The following LGSN variants were observed in gnomAD, a reference collection of about 807,000 sequenced individuals.
LGSN encodes lengsin, lens protein with glutamine synthetase domain.
In LGSN, 21 loss-of-function variants were observed where a neutral mutation model predicts 19.5. The ratio of observed to expected loss-of-function variants is 1.07; its 90% CI spans 0.76 to 1.55. The LOEUF (loss-of-function observed/expected upper bound fraction) is 1.55, where lower values mean the gene tolerates loss of function less well. Ranked by LOEUF, LGSN falls within the 40% of genes most tolerant of loss-of-function variation. LGSN has a pLI of 0.00. For synonymous variants in LGSN, 257 were observed against 215.6 expected (o/e 1.19, Z -1.68); for missense variants, 673 against 608.5 (o/e 1.11, Z -1.12).
the LGSN span, among the ~76,000 whole-genome samples, chr6:63,454,390 C>A: frequency 6.6e-6 from 1 of 151,854 alleles, no homozygotes; most frequent in African/African-American, 2.4e-5. Context: ...TGACTAATTT[C>A]AGCTTAAGTA....
intron 1 of LGSN, among the ~76,000 whole-genome samples, chr6:63,307,225 A>C (rs957389972): frequency 6.6e-6 from 1 of 152,250 alleles, no homozygotes; most frequent in African/African-American, 2.4e-5. Context: ...TGTGATAAAT[A>C]CATTACCATC....
chr6:63,336,572 T>TAC, the LGSN span, among the ~76,000 whole-genome samples: 1 of 149,626 alleles, frequency 6.7e-6, no homozygotes, highest in Non-Finnish European at 1.5e-5. Context: ...TATATATATA[T>TAC]ATATGTATAA....
At chr6:63,361,678 G>A in the LGSN span, among the ~76,000 whole-genome samples, 4 of 152,048 alleles carry the variant, frequency 2.6e-5, no homozygotes, top group African/African-American at 4.8e-5. Flanking sequence ...CCAACTTTCC[G>A]ACAATCCCCA....
the LGSN span, among the ~76,000 whole-genome samples, chr6:63,500,900 A>G: frequency 0.54 from 81,167 of 150,972 alleles, 23,540 homozygotes; most frequent in African/African-American, 0.77. Flanking sequence ...GCTAATTTTT[A>G]TATTTTTAGT....
the LGSN span, among the ~76,000 whole-genome samples, chr6:63,345,699 C>G: frequency 6.6e-6 from 1 of 152,144 alleles, no homozygotes; most frequent in Non-Finnish European, 1.5e-5. Context: ...GCTTACATCC[C>G]ACTGGTCTAG....
the LGSN span, among the ~76,000 whole-genome samples, chr6:63,346,969 C>T: frequency 2.0e-5 from 3 of 152,120 alleles, no homozygotes; most frequent in African/African-American, 7.2e-5. Flanking sequence ...ATGAAAGTTC[C>T]AGTCTTCAAA....
At chr6:63,290,252 G>A (rs1377418244) in intron 2 of LGSN, among the ~76,000 whole-genome samples, 1 of 152,192 alleles carries the variant, frequency 6.6e-6, no homozygotes, top group Non-Finnish European at 1.5e-5. Flanking sequence ...GGGAGCTTCT[G>A]AGCTAAAGAA....
At chr6:63,327,565 A>G in the LGSN span, among the ~76,000 whole-genome samples, 2 of 152,178 alleles carry the variant, frequency 1.3e-5, no homozygotes, top group South Asian at 4.1e-4. Flanking sequence ...CGCTGCTGCC[A>G]AAGAGTCTAT....
the LGSN span, among the ~76,000 whole-genome samples, chr6:63,457,281 G>A: frequency 6.6e-6 from 1 of 152,066 alleles, no homozygotes; most frequent in Non-Finnish European, 1.5e-5. Flanking sequence ...GAGGCGGGTG[G>A]ATCACTTGAG....
At chr6:63,352,936 A>G in the LGSN span, among the ~76,000 whole-genome samples, 1 of 152,028 alleles carries the variant, frequency 6.6e-6, no homozygotes, top group Non-Finnish European at 1.5e-5. Flanking sequence ...TGGTCAAGAA[A>G]AGGGGAAGCT....
At chr6:63,346,430 G>A in the LGSN span, among the ~76,000 whole-genome samples, 3 of 151,828 alleles carry the variant, frequency 2.0e-5, no homozygotes, top group African/African-American at 7.3e-5. Flanking sequence ...GGAACACATG[G>A]AGATGCTGAG....
chr6:63,312,331 A>C (rs1257901114), intron 1 of LGSN, among the ~76,000 whole-genome samples: 1 of 152,192 alleles, frequency 6.6e-6, no homozygotes, highest in Non-Finnish European at 1.5e-5. Flanking sequence ...TGGATTGCTG[A>C]ATCATATATA....
chr6:63,520,422 T>C, the LGSN span, among the ~76,000 whole-genome samples: 1 of 149,756 alleles, frequency 6.7e-6, no homozygotes, highest in Non-Finnish European at 1.5e-5. Context: ...AGGCCAGGAG[T>C]TCAAGACCAG....
At chr6:63,548,847 G>T in the LGSN span, 1 of 758,294 alleles carries the variant, frequency 1.3e-6, no homozygotes. Context: ...AGTCCTGATA[G>T]CTCCCACTAG....
the LGSN span, among the ~76,000 whole-genome samples, chr6:63,328,793 T>C: frequency 1.3e-5 from 2 of 152,228 alleles, no homozygotes; most frequent in Non-Finnish European, 2.9e-5. Flanking sequence ...TGGTTCCCAT[T>C]CTACTAGATG....
upstream of LGSN, among the ~76,000 whole-genome samples, chr6:63,321,334 T>C (rs922744188): frequency 4.6e-5 from 7 of 152,212 alleles, no homozygotes; most frequent in Admixed American, 2.6e-4. Context: ...AAATTTCGTT[T>C]TTGTTTCAGA....
At chr6:63,436,037 A>T in the LGSN span, among the ~76,000 whole-genome samples, 3 of 152,054 alleles carry the variant, frequency 2.0e-5, no homozygotes, top group African/African-American at 7.2e-5. Flanking sequence ...CTTGACTGGA[A>T]CATTTTCCTC....
chr6:63,390,859 CAA>C, the LGSN span, among the ~76,000 whole-genome samples: 6 of 50,488 alleles, frequency 1.2e-4, no homozygotes, highest in Non-Finnish European at 8.3e-5. Flanking sequence ...GACTCCATCT[CAA>C]AAAAAAAAAA....
At chr6:63,305,395 T>A (rs950894695) in intron 1 of LGSN, among the ~76,000 whole-genome samples, 2 of 152,022 alleles carry the variant, frequency 1.3e-5, no homozygotes, top group African/African-American at 4.8e-5. Context: ...TCTTAAGAGG[T>A]TGACCCAAAG....
Sources: gnomAD v4.1 joint callset for allele counts (sites outside exome capture counted in the v4.1 genomes callset) on GRCh38, gnomAD v4.1.1 for gene constraint, MANE v1.5 for transcripts, NCBI Gene and HGNC (gene_info 2026-07-23, HGNC 2026-07-21) for gene names.